DIPK1C: variants seen among roughly 807,000 people sequenced by gnomAD.
DIPK1C encodes the protein divergent protein kinase domain 1C.
In DIPK1C, 33 loss-of-function variants were observed where a neutral mutation model predicts 28.0. The observed-to-expected ratio is 1.18, with a 90% CI of 0.89 to 1.58. The LOEUF is 1.58. Ranked by LOEUF, DIPK1C falls within the 40% of genes most tolerant of loss-of-function variation. The pLI, the probability that DIPK1C is intolerant of heterozygous loss-of-function variation, is 0.00. For missense variants in DIPK1C, 569 were observed against 568.5 expected (o/e 1.00, Z -0.01); for synonymous variants, 255 against 248.8 (o/e 1.02, Z -0.23).
intron 3 of DIPK1C, among the ~76,000 whole-genome samples, chr18:74,438,098 C>T (rs1460145433): frequency 6.6e-6 from 1 of 152,124 alleles, no homozygotes; most frequent in Non-Finnish European, 1.5e-5. Context: ...TGCCATGTTG[C>T]CAACACTGTT....
At chr18:74,458,144 A>C (rs965611775), upstream of DIPK1C, among the ~76,000 whole-genome samples, 2 of 152,062 alleles carry the variant, frequency 1.3e-5, no homozygotes, top group African/African-American at 4.8e-5. Context: ...TCTCACCAGC[A>C]TCCCCCACCC....
Position 74,447,220 on chromosome 18 carries a change from C to T in DIPK1C, c.262G>A (p.Glu88Lys), listed in dbSNP as rs8087020. The T allele has an allele frequency of 1, 1,545,073 of 1,550,044 alleles. 770,227 individuals carry two copies. The highest frequency in any genetic ancestry group is 1 in the East Asian group (40,895 of 40,896). The part of the protein sequence containing the change: ...DLCEDLCVAG[E>K]LLFQRCLHYN... ...TGCAGGCAGCGTTGGAACAGCAGCTCTCCCGCCACACACAGGTCCTCGCAG... is the reference window on the plus strand; with the variant it reads ...TGCAGGCAGCGTTGGAACAGCAGCTTTCCCGCCACACACAGGTCCTCGCAG... The change falls in exon 2 of 4, where the codon GAG becomes AAG. Residue 88 changes from glutamate (E) to lysine (K), a missense_variant. Glu to Lys is a moderately conservative substitution (Grantham distance 56). Transcript: ENST00000343998. This position sits in a 1 kb window ranked among gnomAD's most constrained non-coding sequence, Gnocchi z 4.1.
chr18:74,445,268 A>G (rs1243970374), intron 2 of DIPK1C, among the ~76,000 whole-genome samples: 1 of 152,062 alleles, frequency 6.6e-6, no homozygotes, highest in Non-Finnish European at 1.5e-5. Context: ...CGCACATGGC[A>G]CTCAGGGAAT....
In DIPK1C at chr18:74,441,638, T is replaced by C. The variant is rs1245934922; in HGVS notation, c.1041+314A>G. ...TGATGGATTAGTCTCAGGATTCTCATAGTGTATGTGCCCATGTTTATGAGA... is the reference window on the plus strand; with the variant it reads ...TGATGGATTAGTCTCAGGATTCTCACAGTGTATGTGCCCATGTTTATGAGA... On this transcript the variant is annotated intron_variant, in intron 3 of 3. Coordinates refer to ENST00000343998, the MANE Select transcript of DIPK1C (RefSeq NM_001044369.3). Among the ~76,000 whole-genome samples, 3 of 152,116 alleles carry C rather than the reference T, an allele frequency of 2.0e-5. No individual in the cohort carries two copies. The East Asian group carries it at 5.8e-4, about 29-fold the overall frequency.
At chr18:74,442,736 C>T (rs764049296) in intron 2 of DIPK1C, among the ~76,000 whole-genome samples, 8 of 152,244 alleles carry the variant, frequency 5.3e-5, no homozygotes, top group Non-Finnish European at 7.3e-5. Context: ...ACTATCACCA[C>T]AAGTATTGCT....
chr18:74,441,789 C>T (rs998981551), intron 3 of DIPK1C, among the ~76,000 whole-genome samples, 163 bp downstream of exon 3: 4 of 152,086 alleles, frequency 2.6e-5, no homozygotes, highest in Non-Finnish European at 5.9e-5. Flanking sequence ...ACCAAGAGCA[C>T]GATTGTCCCA....
At chr18:74,451,098 T>C (rs1331285202) in intron 1 of DIPK1C, among the ~76,000 whole-genome samples, 1 of 152,186 alleles carries the variant, frequency 6.6e-6, no homozygotes, top group East Asian at 1.9e-4. Context: ...GAGACGCCTC[T>C]GAGCTCAATT....
intron 1 of DIPK1C, among the ~76,000 whole-genome samples, chr18:74,452,706 C>G (rs1986425926): frequency 6.6e-6 from 1 of 151,918 alleles, no homozygotes; most frequent in African/African-American, 2.4e-5. Flanking sequence ...CACCCTGTCT[C>G]AAGAAAACAA....
upstream of DIPK1C, among the ~76,000 whole-genome samples, chr18:74,459,707 C>A (rs538639175): frequency 3.9e-5 from 6 of 152,162 alleles, no homozygotes; most frequent in Admixed American, 3.9e-4. Context: ...GTGAAATAAG[C>A]CTTAGTCCTC....
chr18:74,440,013 C>T (rs1191849032), intron 3 of DIPK1C, among the ~76,000 whole-genome samples: 3 of 148,842 alleles, frequency 2.0e-5, no homozygotes, highest in African/African-American at 7.4e-5. Flanking sequence ...GATGCAATCT[C>T]GGCTCACTGC....
intron 1 of DIPK1C, among the ~76,000 whole-genome samples, chr18:74,456,810 G>C (rs1047727208): frequency 3.3e-5 from 5 of 152,222 alleles, no homozygotes; most frequent in Non-Finnish European, 7.3e-5. Flanking sequence ...CGGAGAGGCT[G>C]TCTGGGGACA....
In DIPK1C at chr18:74,446,754, C is replaced by A; in HGVS notation, c.728G>T (p.Gly243Val). The A allele has an allele frequency of 6.5e-7, 1 of 1,528,364 alleles. No homozygotes were observed. The highest frequency in any genetic ancestry group is 8.8e-7 in the Non-Finnish European group (1 of 1,135,462). 94.7% of individuals were successfully genotyped at this position (1,528,364 alleles called of 1,614,324 possible). The stretch of plus-strand genomic sequence containing the variant: ...CTTGGCCTGGCCACCCCCAGGGGCA[C>A]CTGGGGCCCGGTCCAGGGGGAAGAG... ...RALFPLDRAP[G>V]APGGGQAKAI... Residue 243 changes from glycine to valine, a missense_variant, in exon 2 of 4, where the codon GGT becomes GTT. Gly to Val is a moderately radical substitution (Grantham distance 109). Transcript: ENST00000343998.
chr18:74,445,050 T>C (rs1986228674), intron 2 of DIPK1C, among the ~76,000 whole-genome samples: 1 of 152,062 alleles, frequency 6.6e-6, no homozygotes, highest in Non-Finnish European at 1.5e-5. Flanking sequence ...CCTCAACAAT[T>C]ACAGCACCTT....
the DIPK1C span, among the ~76,000 whole-genome samples, chr18:74,463,695 C>T: frequency 6.6e-6 from 1 of 152,182 alleles, no homozygotes; most frequent in Non-Finnish European, 1.5e-5. Flanking sequence ...TGCTGTTTGG[C>T]TTTGGAACTC....
chr18:74,442,017 A>C lies in DIPK1C; in HGVS notation c.976T>G (p.Cys326Gly). The C allele has an allele frequency of 2.5e-6, 4 of 1,614,100 alleles. No homozygotes were observed. Among genetic ancestry groups the C allele is most frequent in the Non-Finnish European group, 3.4e-6 (4 of 1,179,958 alleles). Reference sequence around the variant, plus strand: ...ACTCGTAAATCACATCTTGAAAAACAGTCAAAGAAATTGCAGTCTTCATCT... The same window carrying C: ...ACTCGTAAATCACATCTTGAAAAACCGTCAAAGAAATTGCAGTCTTCATCT... The part of the protein sequence containing the change: ...TGDEDCNFFD[C>G]FSRCDLRVNK... Residue 326 changes from cysteine (C) to glycine (G), a missense_variant, in exon 3 of 4, where the codon TGT (cysteine) becomes GGT (glycine). Cys to Gly is a radical substitution (Grantham distance 159). Coordinates refer to ENST00000343998, the MANE Select transcript of DIPK1C (RefSeq NM_001044369.3).
In DIPK1C at chr18:74,441,970, G is replaced by A. The variant is rs748275678; in HGVS notation, c.1023C>T (p.Arg341=). ...DLRVNKCGAQ[R]VNNNLQVICD... Reference sequence around the variant, plus strand: ...CTCATACCTGCAGGTTGTTGTTTACGCGCTGCGCTCCGCATTTGTTGACTC... The same window carrying A: ...CTCATACCTGCAGGTTGTTGTTTACACGCTGCGCTCCGCATTTGTTGACTC... The change falls in exon 3 of 4, where the codon CGC becomes CGT. Residue 341 remains arginine (R), a synonymous_variant. Transcript: ENST00000343998. The A allele has an allele frequency of 9.3e-6, 15 of 1,613,792 alleles. No individual in the cohort carries two copies. In the East Asian group the frequency reaches 1.3e-4, roughly 14 times the overall value.
At chr18:74,440,101 C>T (rs570844123) in intron 3 of DIPK1C, among the ~76,000 whole-genome samples, 13 of 152,146 alleles carry the variant, frequency 8.5e-5, no homozygotes, top group South Asian at 2.1e-4. Context: ...CCCGCCACCT[C>T]GCCCGGCTAA....
chr18:74,447,336 C>T lies in DIPK1C; in HGVS notation c.199-53G>A. On this transcript the variant is annotated intron_variant, in intron 1 of 3. Coordinates refer to ENST00000343998, the MANE Select transcript of DIPK1C (RefSeq NM_001044369.3). This position sits in a 1 kb window ranked among gnomAD's most constrained non-coding sequence, Gnocchi z 4.1. ...ATGGGGAGGGCCTGGTGCCATCCGT[C>T]TCTCGGCTCGGGTTAGGGAAGGGGA... is the stretch of plus-strand genomic sequence containing the variant. The T allele has an allele frequency of 6.8e-7, 1 of 1,460,382 alleles. No homozygotes were observed. The highest frequency in any genetic ancestry group is 2.5e-5 in the East Asian group (1 of 40,118). 90.5% of individuals were successfully genotyped at this position (1,460,382 alleles called of 1,614,324 possible).
At chr18:74,456,954 G>A (rs1986527262) in intron 1 of DIPK1C, 108 bp downstream of exon 1, 5 of 1,164,982 alleles carry the variant, frequency 4.3e-6, no homozygotes, top group East Asian at 6.9e-5. Flanking sequence ...CCATGTCCCC[G>A]GCGGGTGCCA....
Sources: allele counts gnomAD v4.1 joint callset (sites outside exome capture counted in the v4.1 genomes callset), GRCh38; gene constraint gnomAD v4.1.1; non-coding constraint Gnocchi (gnomAD v3.1); transcripts MANE v1.5; gene names NCBI Gene and HGNC (gene_info 2026-07-23, HGNC 2026-07-21).